The following TRMT9B variants were observed in gnomAD, a reference collection of about 807,000 sequenced individuals.
TRMT9B encodes tRNA methyltransferase 9B (putative).
In TRMT9B, 16 loss-of-function variants were observed where a neutral mutation model predicts 11.5. That is an observed-to-expected ratio of 1.39 (90% CI 0.94 to 2.11). The LOEUF is 2.11. Ranked by LOEUF, TRMT9B falls within the 30% of genes most tolerant of loss-of-function variation. TRMT9B has a pLI of 0.00. For missense variants in TRMT9B, 941 were observed against 553.8 expected (o/e 1.70, Z -7.02); for synonymous variants, 274 against 192.4 (o/e 1.42, Z -3.51).
intron 4 of TRMT9B, among the ~76,000 whole-genome samples, chr8:13,019,374 C>G (rs1034856066): frequency 2.0e-5 from 3 of 152,198 alleles, no homozygotes; most frequent in Non-Finnish European, 4.4e-5. Flanking sequence ...CCACTGCAAA[C>G]TCGACCTCCC....
chr8:12,974,874 C>T (rs1002633308), intron 1 of TRMT9B, among the ~76,000 whole-genome samples: 1 of 151,922 alleles, frequency 6.6e-6, no homozygotes, highest in Admixed American at 6.6e-5. Flanking sequence ...TTATGATCCC[C>T]TAAAAGATCA....
intron 1 of TRMT9B, among the ~76,000 whole-genome samples, chr8:12,974,589 C>T (rs887301268): frequency 6.6e-6 from 1 of 151,730 alleles, no homozygotes; most frequent in African/African-American, 2.4e-5. Flanking sequence ...ACAGGTTGGC[C>T]AATAGATGTT....
At chr8:12,981,303 G>T (rs930699697) in intron 1 of TRMT9B, among the ~76,000 whole-genome samples, 3 of 152,178 alleles carry the variant, frequency 2.0e-5, no homozygotes, top group African/African-American at 4.8e-5. Flanking sequence ...GAAGTCATTG[G>T]CTGGCTACTT....
At chr8:13,019,351 G>T (rs932427431) in intron 4 of TRMT9B, among the ~76,000 whole-genome samples, 1 of 152,198 alleles carries the variant, frequency 6.6e-6, no homozygotes, top group Non-Finnish European at 1.5e-5. Context: ...GACTGCAGTG[G>T]CATGATCATG....
At chr8:12,997,681 G>A (rs554858047) in intron 2 of TRMT9B, among the ~76,000 whole-genome samples, 5 of 152,220 alleles carry the variant, frequency 3.3e-5, no homozygotes, top group South Asian at 4.1e-4. Flanking sequence ...GTGCTACTTC[G>A]AAGAGTGCTT....
intron 1 of TRMT9B, among the ~76,000 whole-genome samples, chr8:12,954,537 A>T (rs1460925115): frequency 6.6e-6 from 1 of 152,210 alleles, no homozygotes; most frequent in Non-Finnish European, 1.5e-5. Flanking sequence ...AGCCCCTGGT[A>T]TAATGCATTA....
rs1050257638 is a variant in TRMT9B at position 12,990,896 on chromosome 8, A to T, written c.-137A>T. 6.2e-6 allele frequency: 8 copies of T among 1,289,446 alleles called. No homozygotes were observed. In the African/African-American group the frequency reaches 1.1e-4, roughly 17 times the overall value. The allele number at this position is 1,289,446 out of a possible 1,614,324, so 79.9% of individuals were successfully genotyped here. Reference sequence around the variant, plus strand: ...ATCATGAGAAGGACCGCACTATTTCATTTCACTCCTACAAGTTTTCATTTA... The same window carrying T: ...ATCATGAGAAGGACCGCACTATTTCTTTTCACTCCTACAAGTTTTCATTTA... On this transcript the variant is annotated 5_prime_UTR_variant, in exon 2 of 5. Coordinates refer to ENST00000524591, the MANE Select transcript of TRMT9B (RefSeq NM_020844.3).
At chr8:12,952,303 C>A (rs1352551419) in intron 1 of TRMT9B, 4 of 365,586 alleles carry the variant, frequency 1.1e-5, no homozygotes, top group Non-Finnish European at 1.2e-5. Flanking sequence ...GAGGAGGGGG[C>A]GCGACAGGTC....
At chr8:12,950,563 T>TTCTTTC (rs1800520197) in intron 1 of TRMT9B, among the ~76,000 whole-genome samples, 2 of 151,956 alleles carry the variant, frequency 1.3e-5, no homozygotes, top group African/African-American at 4.8e-5. Flanking sequence ...CTTTCTTTCT[T>TTCTTTC]TTTGAATGTG....
chr8:12,992,298 G>A (rs543229629), intron 2 of TRMT9B, among the ~76,000 whole-genome samples: 73 of 152,286 alleles, frequency 4.8e-4, no homozygotes, highest in African/African-American at 1.7e-3. Flanking sequence ...ACAGAGTTGA[G>A]AGTTCATGAC....
intron 2 of TRMT9B, among the ~76,000 whole-genome samples, chr8:13,001,387 T>A (rs79647441): frequency 0.034 from 5,232 of 152,282 alleles, 128 homozygotes; most frequent in Non-Finnish European, 0.052. Flanking sequence ...TCGACAGTGA[T>A]GAGCAACTCT....
intron 1 of TRMT9B, among the ~76,000 whole-genome samples, chr8:12,949,090 C>CT (rs1800412902): frequency 2.0e-5 from 3 of 152,154 alleles, no homozygotes; most frequent in Admixed American, 6.5e-5. Flanking sequence ...TACATAGACT[C>CT]TACTTATTAA....
In TRMT9B at chr8:13,021,336, T is replaced by C; in HGVS notation, c.657T>C (p.Pro219=). The C allele has an allele frequency of 3.1e-6, 5 of 1,614,034 alleles. No homozygotes were observed. Among genetic ancestry groups the C allele is most frequent in the Non-Finnish European group, 4.2e-6 (5 of 1,179,892 alleles). The change falls in exon 5 of 5, where the codon CCT becomes CCC. Residue 219 remains proline (P), a synonymous_variant. Coordinates refer to ENST00000524591, the MANE Select transcript of TRMT9B (RefSeq NM_020844.3). ...SKRSHSVGYE[P]AMARTCFANI... ...GGTCCCACAGCGTGGGCTATGAACC[T>C]GCTATGGCAAGAACCTGTTTTGCAA...
In TRMT9B at chr8:13,028,207, C is replaced by T. The variant is rs1814930800; in HGVS notation, c.*6163C>T. The T allele has an allele frequency of 6.0e-6, 1 of 167,068 alleles. No individual in the cohort carries two copies. Among genetic ancestry groups the T allele is most frequent in the Admixed American group, 6.5e-5 (1 of 15,274 alleles). 10.3% of individuals were successfully genotyped at this position (167,068 alleles called of 1,614,324 possible). A position where few individuals can be genotyped will look rare whatever the true frequency, so the allele number is the denominator to read the frequency against. ...CGGGTCTTCCCCAGTTGATTATACA[C>T]AGATAATCAATGACTTTATTTGGGA... On this transcript the variant is annotated 3_prime_UTR_variant, in exon 5 of 5. Transcript: ENST00000524591.
At chr8:13,007,699 A>G (rs1810741492) in intron 3 of TRMT9B, 2 of 152,178 alleles carry the variant, frequency 1.3e-5, no homozygotes, top group Non-Finnish European at 2.9e-5. Flanking sequence ...ACCACGTATA[A>G]TCTAAGTAAG....
intron 1 of TRMT9B, among the ~76,000 whole-genome samples, chr8:12,988,778 G>T (rs999664228): frequency 6.6e-6 from 1 of 152,134 alleles, no homozygotes; most frequent in Admixed American, 6.5e-5. Context: ...TGGGGACACA[G>T]CCAAACCATA....
intron 3 of TRMT9B, 81 bp downstream of exon 3, chr8:13,006,437 G>C (rs1210635302): frequency 6.4e-7 from 1 of 1,551,774 alleles, no homozygotes; most frequent in East Asian, 2.3e-5. Flanking sequence ...CCTCATCGCT[G>C]ACATAGGTAA....
chr8:13,022,158 T>C lies in TRMT9B; in HGVS notation c.*114T>C. On this transcript the variant is annotated 3_prime_UTR_variant, in exon 5 of 5. Transcript: ENST00000524591. ...ATTTGTTAATCCATTTACGCTTTGG[T>C]CTGCAGAGACTATTAATTATTTGGT... is the stretch of plus-strand genomic sequence containing the variant. 1.3e-6 allele frequency: 1 copy of C among 748,438 alleles called. No homozygotes were observed. The highest frequency in any genetic ancestry group is 2.1e-5 in the South Asian group (1 of 46,964). 46.4% of individuals were successfully genotyped at this position (748,438 alleles called of 1,614,324 possible).
chr8:12,994,346 A>T (rs1053797466), intron 2 of TRMT9B, among the ~76,000 whole-genome samples: 3 of 152,176 alleles, frequency 2.0e-5, no homozygotes, highest in Non-Finnish European at 4.4e-5. Context: ...AAAAAAATAA[A>T]ACTTTTTTAT....
Sources: gnomAD v4.1 joint callset for allele counts (sites outside exome capture counted in the v4.1 genomes callset) on GRCh38, gnomAD v4.1.1 for gene constraint, MANE v1.5 for transcripts, NCBI Gene and HGNC (gene_info 2026-07-23, HGNC 2026-07-21) for gene names.